Variants in THRAP3 observed in about 807,000 individuals in gnomAD.
The protein encoded by THRAP3 is thyroid hormone receptor associated protein 3.
THRAP3 carries 16 observed loss-of-function variants against 101.0 expected under a neutral mutation model. That is an observed-to-expected ratio of 0.16 (90% CI 0.11 to 0.24). The LOEUF is 0.24. Ranked by LOEUF, THRAP3 falls within the 10% of genes least tolerant of loss-of-function variation. THRAP3 has a pLI of 1.00. For missense variants in THRAP3, 989 were observed against 1,202.7 expected, an observed-to-expected ratio of 0.82 and a Z score of 2.63; for synonymous variants, 407 against 422.6, an observed-to-expected ratio of 0.96 and a Z score of 0.45.
intron 1 of THRAP3, among the ~76,000 whole-genome samples, chr1:36,234,522 A>T (rs1389714681): frequency 6.6e-6 from 1 of 152,106 alleles, no homozygotes; most frequent in Non-Finnish European, 1.5e-5. Context: ...ATGTATATAT[A>T]TTTTTTCCTT....
At chr1:36,233,818 G>C (rs931366403) in intron 1 of THRAP3, among the ~76,000 whole-genome samples, 1 of 152,068 alleles carries the variant, frequency 6.6e-6, no homozygotes, top group Non-Finnish European at 1.5e-5. Context: ...TTCTATCAAG[G>C]CTATTCTGCA....
chr1:36,269,074 T>G (rs1251269542), intron 2 of THRAP3, among the ~76,000 whole-genome samples: 1 of 135,832 alleles, frequency 7.4e-6, no homozygotes, highest in Non-Finnish European at 1.7e-5. Context: ...TTGGGTATTT[T>G]GTCTTGGCAG....
upstream of THRAP3, among the ~76,000 whole-genome samples, chr1:36,222,453 C>A (rs1644906951): frequency 6.6e-6 from 1 of 151,922 alleles, no homozygotes; most frequent in South Asian, 2.1e-4. Flanking sequence ...GTCGCCCAGG[C>A]TGGAGTGCAG....
the THRAP3 span, among the ~76,000 whole-genome samples, chr1:36,211,470 G>A: frequency 1.3e-5 from 2 of 152,216 alleles, no homozygotes; most frequent in African/African-American, 2.4e-5. Flanking sequence ...CCCAGGAAGT[G>A]GCGGCTGCAG....
intron 9 of THRAP3, among the ~76,000 whole-genome samples, chr1:36,298,938 G>A (rs909271519): frequency 1.3e-5 from 2 of 152,178 alleles, no homozygotes; most frequent in Admixed American, 1.3e-4. Context: ...GGGACTACAG[G>A]TGTACACCAT....
intron 1 of THRAP3, among the ~76,000 whole-genome samples, chr1:36,251,435 G>T (rs1645299091): frequency 6.6e-6 from 1 of 152,080 alleles, no homozygotes; most frequent in Non-Finnish European, 1.5e-5. Flanking sequence ...GCATCAGTTG[G>T]CATGTTTGAT....
intron 5 of THRAP3, among the ~76,000 whole-genome samples, chr1:36,290,625 C>G (rs1227313963): frequency 6.6e-6 from 1 of 152,172 alleles, no homozygotes; most frequent in Non-Finnish European, 1.5e-5. Flanking sequence ...GCCACCACAC[C>G]TGGCTAATTT....
At position 36,271,516 on chromosome 1, in the gene THRAP3, C is replaced by T. The variant is rs577324482; in HGVS notation, c.-31-11017C>T. ...CAGGCTAGTCTCGAACTCCTGACCT[C>T]GTGATCTGCCTACCTTGGCTTCCCA... On this transcript the variant is annotated intron_variant, in intron 2 of 11. Transcript: ENST00000354618. Among the ~76,000 whole-genome samples, 152 of 150,674 alleles carry T rather than the reference C, an allele frequency of 1.0e-3. 1 individual carries two copies. The highest frequency in any genetic ancestry group is 1.8e-3 in the Non-Finnish European group (125 of 67,878).
chr1:36,221,153 C>G (rs551751442), upstream of THRAP3, among the ~76,000 whole-genome samples: 1 of 138,270 alleles, frequency 7.2e-6, no homozygotes, highest in African/African-American at 2.8e-5. Context: ...GGCCACTGCA[C>G]TGCAATCTGG....
intron 1 of THRAP3, among the ~76,000 whole-genome samples, chr1:36,228,422 A>G (rs537055852): frequency 3.4e-4 from 52 of 152,328 alleles, no homozygotes; most frequent in African/African-American, 1.3e-3. Flanking sequence ...GGGTTTCACC[A>G]TGCTGGCCAG....
At chr1:36,283,633 GA>G (rs1472960056) in intron 3 of THRAP3, among the ~76,000 whole-genome samples, 4 of 146,696 alleles carry the variant, frequency 2.7e-5, no homozygotes, top group Admixed American at 1.4e-4. Flanking sequence ...TATTTCAGAT[GA>G]GTATCTAGAA....
chr1:36,211,975 T>C, the THRAP3 span, among the ~76,000 whole-genome samples: 1 of 152,154 alleles, frequency 6.6e-6, no homozygotes, highest in Non-Finnish European at 1.5e-5. Flanking sequence ...GACTTCAGTG[T>C]AGAAGAAATC....
In THRAP3 at chr1:36,259,385, T is replaced by G. The variant is rs532158049; in HGVS notation, c.-131T>G. 1,348 of 398,582 alleles carry G rather than the reference T, an allele frequency of 3.4e-3. 3 individuals carry two copies. The highest frequency in any genetic ancestry group is 4.4e-3 in the Non-Finnish European group (996 of 226,036). The allele number at this position is 398,582 out of a possible 1,614,324, so 24.7% of individuals were successfully genotyped here. A position where few individuals can be genotyped will look rare whatever the true frequency, so the allele number is the denominator to read the frequency against. On this transcript the variant is annotated 5_prime_UTR_variant, in exon 2 of 12. Transcript: ENST00000354618. ...TACTTATTTTCTCTCATTTCAGAAG[T>G]GTATGCTGACTTGTAAAGTGAAGAA...
At chr1:36,272,388 G>A (rs1164565051) in intron 2 of THRAP3, among the ~76,000 whole-genome samples, 2 of 152,142 alleles carry the variant, frequency 1.3e-5, no homozygotes, top group Non-Finnish European at 2.9e-5. Flanking sequence ...TCATGAAGGG[G>A]TCTCTGATTT....
At chr1:36,246,042 A>G (rs6662146) in intron 1 of THRAP3, among the ~76,000 whole-genome samples, 121,353 of 152,046 alleles carry the variant, frequency 0.8, 50,028 homozygotes, top group East Asian at 0.94. Flanking sequence ...CATTTTACAG[A>G]TGTAAGTGAG....
intron 3 of THRAP3, among the ~76,000 whole-genome samples, chr1:36,285,565 A>C (rs1274795471): frequency 6.6e-6 from 1 of 152,168 alleles, no homozygotes; most frequent in Non-Finnish European, 1.5e-5. Flanking sequence ...CCTTCTGTGC[A>C]CACCGGGGTG....
intron 2 of THRAP3, among the ~76,000 whole-genome samples, chr1:36,268,758 A>G (rs1484050062): frequency 1.4e-5 from 2 of 146,766 alleles, no homozygotes; most frequent in African/African-American, 5.1e-5. Flanking sequence ...GTCTCGCTCT[A>G]TCTGTCACCC....
intron 1 of THRAP3, among the ~76,000 whole-genome samples, chr1:36,232,775 A>G (rs1645042122): frequency 6.6e-6 from 1 of 152,094 alleles, no homozygotes; most frequent in Non-Finnish European, 1.5e-5. Context: ...AGGTGAGTAG[A>G]TTGCCAAGGG....
intron 1 of THRAP3, among the ~76,000 whole-genome samples, chr1:36,237,122 A>G (rs929082721): frequency 2.6e-5 from 4 of 151,230 alleles, no homozygotes; most frequent in African/African-American, 4.9e-5. Flanking sequence ...GTTGCGTGCC[A>G]TTGCACTCCA....
Sources: allele counts gnomAD v4.1 joint callset (sites outside exome capture counted in the v4.1 genomes callset), GRCh38; gene constraint gnomAD v4.1.1; transcripts MANE v1.5; gene names NCBI Gene and HGNC (gene_info 2026-07-23, HGNC 2026-07-21).